Variants in LRRC49 observed in about 807,000 individuals in gnomAD.
LRRC49 encodes the protein leucine rich repeat containing 49.
In LRRC49, 50 loss-of-function variants were observed where a neutral mutation model predicts 83.3. The observed-to-expected ratio is 0.60, with a 90% CI of 0.48 to 0.76. The LOEUF (loss-of-function observed/expected upper bound fraction) is 0.76. Ranked by LOEUF, LRRC49 falls within the 30% of genes least tolerant of loss-of-function variation. The pLI, the probability that LRRC49 is intolerant of heterozygous loss-of-function variation, is 0.00. For synonymous variants in LRRC49, 286 were observed against 283.3 expected, an observed-to-expected ratio of 1.01 and a Z score of -0.10; for missense variants, 704 against 809.1, an observed-to-expected ratio of 0.87 and a Z score of 1.58.
intron 7 of LRRC49, among the ~76,000 whole-genome samples, chr15:70,935,928 CT>C (rs1426285110): frequency 6.6e-6 from 1 of 152,122 alleles, no homozygotes; most frequent in East Asian, 1.9e-4. Flanking sequence ...AAGTTGTAGA[CT>C]TGGTAATTAC....
At chr15:70,984,004 T>TA in intron 10 of LRRC49, 90 bp from the exon 11 acceptor site, 1 of 908,026 alleles carries the variant, frequency 1.1e-6, no homozygotes, top group South Asian at 1.5e-5. Flanking sequence ...AAAAGTATTA[T>TA]AAGAAGGCAC....
At chr15:71,009,115 C>A (rs985830004) in intron 12 of LRRC49, among the ~76,000 whole-genome samples, 2 of 151,808 alleles carry the variant, frequency 1.3e-5, no homozygotes, top group Admixed American at 1.3e-4. Context: ...GTAATGAGTT[C>A]TCTCTTGAGT....
chr15:70,967,703 A>G (rs983334453), intron 9 of LRRC49, among the ~76,000 whole-genome samples: 33 of 152,120 alleles, frequency 2.2e-4, no homozygotes, highest in African/African-American at 7.7e-4. Flanking sequence ...TGGGGCCTGC[A>G]TATTGTCTGT....
chr15:70,982,225 A>G (rs2037427486), intron 10 of LRRC49, among the ~76,000 whole-genome samples: 3 of 152,064 alleles, frequency 2.0e-5, no homozygotes, highest in Non-Finnish European at 4.4e-5. Flanking sequence ...TGTCATTCTG[A>G]GTATTTCTTT....
At chr15:70,975,984 C>T (rs1330084358) in intron 9 of LRRC49, among the ~76,000 whole-genome samples, 1 of 152,178 alleles carries the variant, frequency 6.6e-6, no homozygotes, top group African/African-American at 2.4e-5. Flanking sequence ...CTCATGCTTC[C>T]TTCCCATGTG....
intron 14 of LRRC49, among the ~76,000 whole-genome samples, chr15:71,020,570 A>G (rs1029600719): frequency 2.0e-5 from 3 of 152,196 alleles, no homozygotes; most frequent in Non-Finnish European, 4.4e-5. Flanking sequence ...TTTAAAAACA[A>G]CCAGGAAAAG....
intron 2 of LRRC49, among the ~76,000 whole-genome samples, chr15:70,880,180 T>C (rs1466700152): frequency 1.3e-5 from 2 of 152,210 alleles, no homozygotes; most frequent in Admixed American, 1.3e-4. Context: ...TCTCTGATCA[T>C]ATATGCTCTC....
At chr15:71,038,901 CTG>C (rs2039611881) in intron 15 of LRRC49, among the ~76,000 whole-genome samples, 1 of 152,142 alleles carries the variant, frequency 6.6e-6, no homozygotes, top group Non-Finnish European at 1.5e-5. Flanking sequence ...ACACAACACA[CTG>C]TGTAATATAC....
intron 9 of LRRC49, among the ~76,000 whole-genome samples, chr15:70,969,174 G>A (rs1008194901): frequency 2.6e-5 from 4 of 152,168 alleles, no homozygotes; most frequent in African/African-American, 7.2e-5. Flanking sequence ...GTGTAAGGAA[G>A]GGGTCCAGTT....
Position 70,973,234 on chromosome 15 carries a change from G to GC in LRRC49, c.922-6863dup, listed in dbSNP as rs376540360. On this transcript the variant is annotated intron_variant, in intron 9 of 15. Transcript: ENST00000260382. ...CTGTTTTTTCCCTTCTAACAGTCAG[G>GC]CCCCTCTTCTGCAGGTCTGCTGGAG... 1.8e-3 allele frequency among the ~76,000 whole-genome samples: 278 copies of GC among 152,196 alleles called. 2 individuals carry two copies. Among genetic ancestry groups the GC allele is most frequent in the African/African-American group, 6.6e-3 (273 of 41,512 alleles).
intron 1 of LRRC49, among the ~76,000 whole-genome samples, chr15:70,871,564 G>A (rs536765620): frequency 6.6e-6 from 1 of 151,128 alleles, no homozygotes; most frequent in South Asian, 2.1e-4. Context: ...GAACGGCGCG[G>A]CTGGCCGGGC....
chr15:71,020,122 A>G (rs1161202627), intron 14 of LRRC49, among the ~76,000 whole-genome samples: 1 of 152,180 alleles, frequency 6.6e-6, no homozygotes, highest in African/African-American at 2.4e-5. Context: ...AAAGTGATCC[A>G]GAAGACCTGA....
chr15:71,015,470 TA>T (rs1413896033), intron 14 of LRRC49, among the ~76,000 whole-genome samples: 1 of 152,198 alleles, frequency 6.6e-6, no homozygotes, highest in Non-Finnish European at 1.5e-5. Flanking sequence ...TATGAGAATC[TA>T]ACGCCACTGC....
intron 1 of LRRC49, among the ~76,000 whole-genome samples, chr15:70,864,849 C>CT (rs1208363525): frequency 1.3e-5 from 2 of 152,144 alleles, no homozygotes; most frequent in Non-Finnish European, 2.9e-5. Flanking sequence ...TTCCAGGTGT[C>CT]TGTTCATCAG....
At chr15:71,028,616 T>A (rs2039249677) in intron 14 of LRRC49, among the ~76,000 whole-genome samples, 1 of 152,200 alleles carries the variant, frequency 6.6e-6, no homozygotes, top group Non-Finnish European at 1.5e-5. Context: ...CTGCCTCAAT[T>A]TCAGAAGTTG....
At chr15:71,015,863 G>C (rs183867269) in intron 14 of LRRC49, among the ~76,000 whole-genome samples, 1 of 152,250 alleles carries the variant, frequency 6.6e-6, no homozygotes, top group Admixed American at 6.5e-5. Flanking sequence ...CTTGCAGCCA[G>C]TGTTTATATT....
At chr15:70,856,800 C>A (rs1238231629) in intron 1 of LRRC49, among the ~76,000 whole-genome samples, 2 of 152,144 alleles carry the variant, frequency 1.3e-5, no homozygotes, top group East Asian at 3.9e-4. Flanking sequence ...TAGCAGGGAG[C>A]CTTCATCTAG....
Position 70,882,444 on chromosome 15 carries a change from T to C in LRRC49, c.18+9221T>C, listed in dbSNP as rs372078971. 11 of 1,598,108 alleles carry C rather than the reference T, an allele frequency of 6.9e-6. No individual in the cohort carries two copies. In the African/African-American group the frequency reaches 9.4e-5, roughly 14 times the overall value. On this transcript the variant is annotated intron_variant, in intron 2 of 16. Coordinates refer to the LRRC49 transcript ENST00000544974. ...ATCTATAGCACATCAGAGCATTTGATGTTGAGTTTTTAACATGTTTCTTCT... is the reference window on the plus strand; with the variant it reads ...ATCTATAGCACATCAGAGCATTTGACGTTGAGTTTTTAACATGTTTCTTCT...
At chr15:70,949,368 G>A (rs559164481) in intron 8 of LRRC49, among the ~76,000 whole-genome samples, 45 of 152,216 alleles carry the variant, frequency 3.0e-4, no homozygotes, top group Admixed American at 7.8e-4. Context: ...ACATCATACC[G>A]CAACTTATTA....
Sources: allele counts gnomAD v4.1 joint callset (sites outside exome capture counted in the v4.1 genomes callset), GRCh38; gene constraint gnomAD v4.1.1; transcripts MANE v1.5; gene names NCBI Gene and HGNC (gene_info 2026-07-23, HGNC 2026-07-21).